PCDHGA6: variants seen among roughly 807,000 people sequenced by gnomAD.
The protein encoded by PCDHGA6 is protocadherin gamma subfamily A, 6.
PCDHGA6 carries 41 observed loss-of-function variants against 60.6 expected under a neutral mutation model. The ratio of observed to expected loss-of-function variants is 0.68; its 90% CI spans 0.53 to 0.88. PCDHGA6 has a LOEUF of 0.88. Ranked by LOEUF, PCDHGA6 falls within the 40% of genes least tolerant of loss-of-function variation. The pLI is 0.00. For missense variants in PCDHGA6, 1,312 were observed against 1,203.0 expected (o/e 1.09, Z -1.34); for synonymous variants, 594 against 524.4 (o/e 1.13, Z -1.81).
intron 1 of PCDHGA6, among the ~76,000 whole-genome samples, chr5:141,424,884 T>C (rs953145254): frequency 2.0e-5 from 3 of 152,186 alleles, no homozygotes; most frequent in Non-Finnish European, 4.4e-5. Flanking sequence ...AGGAGACTTA[T>C]CTAGGGTTTT....
At chr5:141,468,953 T>G (rs182999574) in intron 1 of PCDHGA6, among the ~76,000 whole-genome samples, 1,938 of 89,156 alleles carry the variant, frequency 0.022, 22 homozygotes, top group Non-Finnish European at 0.033. Flanking sequence ...AAACCTGTGG[T>G]TTTTTTTACC....
Position 141,375,926 on chromosome 5 carries a change from G to A in PCDHGA6, c.1843G>A (p.Gly615Arg). ...SYRLLKASEPGLFSVGLHTGE... is the reference protein window; with the variant it reads ...SYRLLKASEPRLFSVGLHTGE... Reference sequence around the variant, plus strand: ...CCGCCTGCTCAAGGCCAGCGAGCCAGGACTTTTCTCAGTGGGCCTGCACAC... The same window carrying A: ...CCGCCTGCTCAAGGCCAGCGAGCCAAGACTTTTCTCAGTGGGCCTGCACAC... The change falls in exon 1 of 4, where the codon GGA (glycine) becomes AGA (arginine). Residue 615 changes from glycine (G) to arginine (R), a missense_variant. Coordinates refer to ENST00000517434, the MANE Select transcript of PCDHGA6 (RefSeq NM_018919.3). 5 of 1,613,758 alleles carry A rather than the reference G, an allele frequency of 3.1e-6. No individual in the cohort carries two copies. The highest frequency in any genetic ancestry group is 1.3e-5 in the African/African-American group (1 of 75,076).
chr5:141,457,959 T>C (rs1426112930), intron 1 of PCDHGA6, among the ~76,000 whole-genome samples: 3 of 152,208 alleles, frequency 2.0e-5, no homozygotes, highest in Admixed American at 2.0e-4. Flanking sequence ...CAAGCTTGAT[T>C]CCTTAAAGGG....
intron 1 of PCDHGA6, chr5:141,389,907 G>T (rs779604388): frequency 6.2e-7 from 1 of 1,614,082 alleles, no homozygotes; most frequent in Non-Finnish European, 8.5e-7. Context: ...GGATATCACT[G>T]ACCGCCCCGA....
intron 1 of PCDHGA6, among the ~76,000 whole-genome samples, chr5:141,482,329 T>C (rs1334833454): frequency 6.6e-6 from 1 of 152,160 alleles, no homozygotes; most frequent in Non-Finnish European, 1.5e-5. Context: ...ATAAAGAGAA[T>C]ATCTACTTTG....
rs778294045 is a variant in PCDHGA6 at position 141,399,841 on chromosome 5, G to A, written c.2424+23334G>A. 2 of 1,612,968 alleles carry A rather than the reference G, an allele frequency of 1.2e-6. No homozygotes were observed. Among genetic ancestry groups the A allele is most frequent in the African/African-American group, 1.3e-5 (1 of 74,926 alleles). ...GGGTCCCGACGGCTCTGCGCTCTTC[G>A]ATATGGTGCCGCGCGCTGCAGAGCC... On this transcript the variant is annotated intron_variant, in intron 1 of 3. Transcript: ENST00000517434.
intron 1 of PCDHGA6, among the ~76,000 whole-genome samples, chr5:141,407,687 G>A (rs866314437): frequency 1.3e-5 from 2 of 152,126 alleles, no homozygotes; most frequent in African/African-American, 2.4e-5. Context: ...TGGCTTTGTG[G>A]TGATCATTGT....
chr5:141,446,850 C>T (rs1027473189), intron 1 of PCDHGA6, among the ~76,000 whole-genome samples: 2 of 152,114 alleles, frequency 1.3e-5, no homozygotes, highest in Non-Finnish European at 2.9e-5. Flanking sequence ...GCATAATAAG[C>T]TTCCTGATAG....
chr5:141,432,649 A>C lies in PCDHGA6; in HGVS notation c.2424+56142A>C, dbSNP rs769351399. The C allele has an allele frequency of 5.6e-6, 9 of 1,613,742 alleles. No individual in the cohort carries two copies. The highest frequency in any genetic ancestry group is 6.8e-6 in the Non-Finnish European group (8 of 1,179,918). ...ACACGGGCGAGGTGCGCACGGCGCG[A>C]GCCCTGCTGGACAGAGACGCGCTCA... is the stretch of plus-strand genomic sequence containing the variant. On this transcript the variant is annotated intron_variant, in intron 1 of 3. Transcript: ENST00000517434. This position sits in a 1 kb window ranked among gnomAD's most constrained non-coding sequence, Gnocchi z 6.0.
chr5:141,427,871 G>T, intron 1 of PCDHGA6: 1 of 1,559,532 alleles, frequency 6.4e-7, no homozygotes, highest in Non-Finnish European at 8.8e-7. Flanking sequence ...TCGAGCTCAC[G>T]ATGCAGGCCC....
At chr5:141,422,980 C>T in intron 1 of PCDHGA6, 1 of 1,614,232 alleles carries the variant, frequency 6.2e-7, no homozygotes, top group Middle Eastern at 1.7e-4. Flanking sequence ...CTCTGCGGAA[C>T]CTGGCTACCT....
intron 1 of PCDHGA6, chr5:141,388,359 G>T: frequency 6.2e-7 from 1 of 1,614,026 alleles, no homozygotes; most frequent in South Asian, 1.1e-5. Flanking sequence ...ATCTGCCCAT[G>T]ATGCGGATAT....
At chr5:141,409,756 C>T in intron 1 of PCDHGA6, 1 of 1,612,994 alleles carries the variant, frequency 6.2e-7, no homozygotes, top group Non-Finnish European at 8.5e-7. Flanking sequence ...TCGCGCAGCG[C>T]GCCTTTGATC....
chr5:141,405,265 C>T lies in PCDHGA6; in HGVS notation c.2424+28758C>T, dbSNP rs769240639. The T allele has an allele frequency of 4.3e-6, 7 of 1,614,106 alleles. No homozygotes were observed. In the Admixed American group the frequency reaches 1.2e-4, roughly 27 times the overall value. Reference sequence around the variant, plus strand: ...CAAGGAAGAGTCACCTGATCTTCCCCCAGCCCAACTATGCAGACACACTCA... The same window carrying T: ...CAAGGAAGAGTCACCTGATCTTCCCTCAGCCCAACTATGCAGACACACTCA... On this transcript the variant is annotated intron_variant, in intron 1 of 3. Coordinates refer to ENST00000517434, the MANE Select transcript of PCDHGA6 (RefSeq NM_018919.3).
intron 1 of PCDHGA6, among the ~76,000 whole-genome samples, chr5:141,469,289 A>G (rs2154570270): frequency 6.6e-6 from 1 of 151,932 alleles, no homozygotes; most frequent in South Asian, 2.1e-4. Flanking sequence ...AAAATAAAAC[A>G]AAATAGACTG....
At chr5:141,496,844 T>G (rs1275272674) in intron 2 of PCDHGA6, among the ~76,000 whole-genome samples, 2 of 150,852 alleles carry the variant, frequency 1.3e-5, no homozygotes, top group Non-Finnish European at 2.9e-5. Context: ...CTCATAGGCT[T>G]CCAGACCAGC....
intron 1 of PCDHGA6, chr5:141,426,336 C>T (rs779025306): frequency 1.7e-4 from 31 of 187,682 alleles, no homozygotes; most frequent in Non-Finnish European, 2.8e-4. Context: ...GGCAAGCACT[C>T]TTCCCTTTCC....
intron 1 of PCDHGA6, chr5:141,415,324 G>A (rs2095854761): frequency 1.9e-6 from 3 of 1,614,108 alleles, no homozygotes; most frequent in African/African-American, 2.7e-5. Flanking sequence ...CGTGCTGCTG[G>A]CGCACAGGCT....
chr5:141,394,966 G>T (rs758463890), intron 1 of PCDHGA6: 3 of 1,613,886 alleles, frequency 1.9e-6, no homozygotes, highest in Middle Eastern at 1.6e-4. Flanking sequence ...AGGCTGAGGC[G>T]CTGGCACAAG....
Sources: allele counts gnomAD v4.1 joint callset (sites outside exome capture counted in the v4.1 genomes callset), GRCh38; gene constraint gnomAD v4.1.1; non-coding constraint Gnocchi (gnomAD v3.1); transcripts MANE v1.5; gene names NCBI Gene and HGNC (gene_info 2026-07-23, HGNC 2026-07-21).